ARMH4: variants seen among roughly 807,000 people sequenced by gnomAD.
ARMH4 encodes the protein armadillo-like helical domain-containing protein 4.
Under a neutral mutation model 61.9 loss-of-function variants are expected in ARMH4, and 49 were observed. The observed-to-expected ratio is 0.79, with a 90% CI of 0.63 to 1.00. The LOEUF (loss-of-function observed/expected upper bound fraction) is 1.00, where lower values mean the gene tolerates loss of function less well. Ranked by LOEUF, ARMH4 falls within the 50% of genes least tolerant of loss-of-function variation. ARMH4 has a pLI of 0.00. For missense variants in ARMH4, 934 were observed against 930.0 expected, an observed-to-expected ratio of 1.00 and a Z score of -0.06; for synonymous variants, 368 against 341.5, an observed-to-expected ratio of 1.08 and a Z score of -0.85.
At chr14:58,006,926 A>AT (rs1312763950) in intron 6 of ARMH4, among the ~76,000 whole-genome samples, 10 of 148,214 alleles carry the variant, frequency 6.7e-5, no homozygotes, top group African/African-American at 2.4e-4. Flanking sequence ...AAATAAATAA[A>AT]TAAATTAATT....
rs149692561 is a variant in ARMH4 at position 58,089,392 on chromosome 14, G to C, written c.2089+7332C>G. Among the ~76,000 whole-genome samples, 360 of 152,248 alleles carry C rather than the reference G, an allele frequency of 2.4e-3. 1 individual carries two copies. Among genetic ancestry groups the C allele is most frequent in the African/African-American group, 8.4e-3 (347 of 41,538 alleles). On this transcript the variant is annotated intron_variant, in intron 5 of 7. Transcript: ENST00000267485. ...GTTTTAAATGGATAATAAGAAAAAA[G>C]GAGGAAGAGAAGAGAGTGCTGACAT...
intron 5 of ARMH4, 33 bp from the exon 6 acceptor site, chr14:58,012,183 AC>A: frequency 8.1e-7 from 1 of 1,240,070 alleles, no homozygotes; most frequent in Non-Finnish European, 1.1e-6. Context: ...AAATGAAATA[AC>A]CATCTTTTAC....
At chr14:58,066,394 G>C (rs891063037) in intron 5 of ARMH4, among the ~76,000 whole-genome samples, 2 of 152,194 alleles carry the variant, frequency 1.3e-5, no homozygotes, top group African/African-American at 4.8e-5. Context: ...TCTAGTGGTT[G>C]CCAGGGCTGG....
intron 5 of ARMH4, among the ~76,000 whole-genome samples, chr14:58,086,567 C>T (rs1885388860): frequency 6.6e-6 from 1 of 152,046 alleles, no homozygotes; most frequent in African/African-American, 2.4e-5. Flanking sequence ...CCTTGCCCCA[C>T]CCCCCACATT....
At chr14:58,108,924 TA>T (rs1886256662) in intron 4 of ARMH4, among the ~76,000 whole-genome samples, 1 of 152,244 alleles carries the variant, frequency 6.6e-6, no homozygotes, top group African/African-American at 2.4e-5. Context: ...TGCACTTTCT[TA>T]ATGACTAATG....
chr14:58,028,061 AACTGTTCAACTATATATGAAGAAGT>A (rs1883084491), intron 5 of ARMH4, among the ~76,000 whole-genome samples: 1 of 152,156 alleles, frequency 6.6e-6, no homozygotes, highest in South Asian at 2.1e-4. Flanking sequence ...CCCTGGTAGC[AACTGTTCAACTATATATGAAGAAGT>A]ACAGCCAGTC....
chr14:58,078,245 C>T (rs921938705), intron 5 of ARMH4, among the ~76,000 whole-genome samples: 1 of 152,232 alleles, frequency 6.6e-6, no homozygotes, highest in Admixed American at 6.5e-5. Context: ...CTGCTGGGAA[C>T]TGCATGGGCC....
chr14:58,137,734 T>C (rs1413183368), intron 2 of ARMH4, among the ~76,000 whole-genome samples: 1 of 152,134 alleles, frequency 6.6e-6, no homozygotes. Flanking sequence ...CTGCTTTTCT[T>C]TTTATTTTTT....
At chr14:58,057,281 G>T (rs1483300588) in intron 5 of ARMH4, among the ~76,000 whole-genome samples, 1 of 152,180 alleles carries the variant, frequency 6.6e-6, no homozygotes, top group Non-Finnish European at 1.5e-5. Context: ...CTTTGACCTG[G>T]CTCAGTGCCT....
At chr14:58,073,290 A>G (rs1884944790) in intron 5 of ARMH4, among the ~76,000 whole-genome samples, 1 of 152,226 alleles carries the variant, frequency 6.6e-6, no homozygotes, top group Non-Finnish European at 1.5e-5. Flanking sequence ...TTGTTTTTCT[A>G]GTGTCCCTTG....
intron 4 of ARMH4, among the ~76,000 whole-genome samples, chr14:58,122,128 C>T (rs1403866936): frequency 1.3e-5 from 2 of 152,158 alleles, no homozygotes; most frequent in Non-Finnish European, 2.9e-5. Flanking sequence ...ACAGAGTGAA[C>T]ATTCATAATC....
At chr14:58,021,412 G>C (rs1227728543) in intron 5 of ARMH4, among the ~76,000 whole-genome samples, 2 of 152,176 alleles carry the variant, frequency 1.3e-5, no homozygotes, top group Admixed American at 1.3e-4. Context: ...TGGCTCCTTA[G>C]CCTTCTGCCA....
intron 5 of ARMH4, among the ~76,000 whole-genome samples, chr14:58,013,456 A>G (rs1882488116): frequency 6.6e-6 from 1 of 152,352 alleles, no homozygotes; most frequent in East Asian, 1.9e-4. Flanking sequence ...AGCAGGCTAC[A>G]TATGGGCCAT....
At chr14:58,045,544 T>C (rs929502555) in intron 5 of ARMH4, among the ~76,000 whole-genome samples, 11 of 151,438 alleles carry the variant, frequency 7.3e-5, no homozygotes, top group African/African-American at 2.7e-4. Context: ...CACACCAACA[T>C]GGCACATGTA....
At chr14:58,009,642 C>G (rs1032666279) in intron 6 of ARMH4, among the ~76,000 whole-genome samples, 2 of 151,960 alleles carry the variant, frequency 1.3e-5, no homozygotes, top group Non-Finnish European at 2.9e-5. Context: ...AAAACCTCAT[C>G]TCTACTAAAA....
intron 5 of ARMH4, among the ~76,000 whole-genome samples, chr14:58,039,135 C>A (rs1214073014): frequency 6.6e-6 from 1 of 152,174 alleles, no homozygotes; most frequent in South Asian, 2.1e-4. Context: ...TGGGCCACTT[C>A]GGCTCCAGAA....
intron 5 of ARMH4, among the ~76,000 whole-genome samples, chr14:58,042,653 C>T (rs578233887): frequency 1.8e-4 from 28 of 152,182 alleles, no homozygotes; most frequent in African/African-American, 6.5e-4. Flanking sequence ...AAATCAATGA[C>T]TCCAGGAGCT....
intron 5 of ARMH4, among the ~76,000 whole-genome samples, chr14:58,031,859 A>C (rs1883246462): frequency 6.6e-6 from 1 of 151,952 alleles, no homozygotes; most frequent in Admixed American, 6.6e-5. Context: ...TAGTACCACA[A>C]GGGTGTCTCC....
intron 5 of ARMH4, among the ~76,000 whole-genome samples, chr14:58,076,149 T>C (rs747081952): frequency 6.6e-6 from 1 of 151,864 alleles, no homozygotes; most frequent in African/African-American, 2.4e-5. Flanking sequence ...GCGGCAACTA[T>C]TATTTTTGTC....
Sources: allele counts gnomAD v4.1 joint callset (sites outside exome capture counted in the v4.1 genomes callset), GRCh38; gene constraint gnomAD v4.1.1; transcripts MANE v1.5; gene names NCBI Gene and HGNC (gene_info 2026-07-23, HGNC 2026-07-21).